The following KLHL23 variants were observed in gnomAD, a reference collection of about 807,000 sequenced individuals.
The protein encoded by KLHL23 is kelch-like protein 23.
KLHL23 carries 33 observed loss-of-function variants against 48.9 expected under a neutral mutation model. The ratio of observed to expected loss-of-function variants is 0.67; its 90% CI spans 0.51 to 0.90. KLHL23 has a LOEUF of 0.90. Among genes scored for constraint, KLHL23 ranks in the 40% least tolerant of loss-of-function variants. KLHL23 has a pLI of 0.00. For missense variants in KLHL23, 608 were observed against 669.6 expected (o/e 0.91, Z 1.02); for synonymous variants, 234 against 231.6 (o/e 1.01, Z -0.09).
rs1476577829 is a variant in KLHL23 at position 169,735,207 on chromosome 2, A to T, written c.193A>T (p.Met65Leu). 6.2e-7 allele frequency: 1 copy of T among 1,608,378 alleles called. No individual in the cohort carries two copies. The highest frequency in any genetic ancestry group is 8.5e-7 in the Non-Finnish European group (1 of 1,178,714). Residue 65 changes from methionine (M) to leucine (L), a missense_variant, in exon 2 of 4, where the codon ATG (methionine) becomes TTG (leucine). Transcript: ENST00000392647. The surrounding 1 kb of genome is among the most constrained non-coding windows in gnomAD (Gnocchi z 4.5). ...TGCTTGCAGCAATTATTTTAAGGCA[A>T]TGTTCACAGCTGACATGAAAGAAAA... ...LAACSNYFKAMFTADMKEKFK... is the reference protein window; with the variant it reads ...LAACSNYFKALFTADMKEKFK...
chr2:169,734,884 T>G, intron 1 of KLHL23, 129 bp from the exon 2 acceptor site: 4 of 1,241,272 alleles, frequency 3.2e-6, no homozygotes, highest in Non-Finnish European at 4.3e-6. Context: ...ACATTTTGCA[T>G]TTATTATTTA....
At chr2:169,743,627 G>A (rs1688725470) in intron 3 of KLHL23, among the ~76,000 whole-genome samples, 1 of 152,194 alleles carries the variant, frequency 6.6e-6, no homozygotes, top group Non-Finnish European at 1.5e-5. Flanking sequence ...AAAAGAAAAG[G>A]GAAGACCTAG....
In KLHL23 at chr2:169,749,913, T is replaced by TTATATATATATATATATATA. The variant is rs72113382; in HGVS notation, c.*199_*200insTATATATATATATATATATA. ...TGGTGATTCATGGTCAAGAAAAATC[T>TTATATATATATATATATATA]TATATATATATATATATACACACAC... On this transcript the variant is annotated 3_prime_UTR_variant, in exon 4 of 4. Coordinates refer to ENST00000392647, the MANE Select transcript of KLHL23 (RefSeq NM_144711.6). 1,776 of 218,214 alleles carry TTATATATATATATATATATA rather than the reference T, an allele frequency of 8.1e-3. 8 individuals carry two copies. The highest frequency in any genetic ancestry group is 0.017 in the African/African-American group (382 of 22,702). The allele number at this position is 218,214 out of a possible 1,614,324, so 13.5% of individuals were successfully genotyped here.
intron 2 of KLHL23, among the ~76,000 whole-genome samples, chr2:169,740,649 C>T (rs567752922): frequency 8.6e-5 from 13 of 150,582 alleles, no homozygotes; most frequent in Non-Finnish European, 1.8e-4. Context: ...GGGGTTTCAC[C>T]GTGTTAGCCA....
chr2:169,741,142 C>T, intron 2 of KLHL23: 1 of 351,780 alleles, frequency 2.8e-6, no homozygotes, highest in Non-Finnish European at 5.1e-6. Flanking sequence ...ACATTTTCCA[C>T]TCCATTATAA....
At chr2:169,741,965 T>C (rs1407831823) in intron 3 of KLHL23, among the ~76,000 whole-genome samples, 1 of 152,248 alleles carries the variant, frequency 6.6e-6, no homozygotes, top group African/African-American at 2.4e-5. Flanking sequence ...AAGCATGTTC[T>C]TTCTAGGTTT....
chr2:169,740,304 G>A (rs1299192459), intron 2 of KLHL23, among the ~76,000 whole-genome samples: 1 of 151,866 alleles, frequency 6.6e-6, no homozygotes, highest in Non-Finnish European at 1.5e-5. Flanking sequence ...TAGAGATGTG[G>A]TCTCACTTTG....
intron 2 of KLHL23, among the ~76,000 whole-genome samples, chr2:169,740,115 A>G (rs1688637408): frequency 6.6e-6 from 1 of 152,028 alleles, no homozygotes; most frequent in African/African-American, 2.4e-5. Context: ...ACTACTGTAG[A>G]CTTTTTACTT....
intron 2 of KLHL23, among the ~76,000 whole-genome samples, chr2:169,738,474 G>A (rs894298276): frequency 2.0e-5 from 3 of 151,894 alleles, no homozygotes; most frequent in Non-Finnish European, 4.4e-5. Context: ...GTTTTATTTT[G>A]TAGCCTTGAA....
chr2:169,734,873 C>T (rs1688473575), intron 1 of KLHL23, 140 bp from the exon 2 acceptor site: 1 of 1,151,932 alleles, frequency 8.7e-7, no homozygotes, highest in Admixed American at 3.3e-5. Context: ...ACAGTCCATC[C>T]ACATTTTGCA....
intron 3 of KLHL23, 57 bp downstream of exon 3, chr2:169,741,594 G>A: frequency 1.3e-6 from 2 of 1,512,154 alleles, no homozygotes; most frequent in East Asian, 2.3e-5. Context: ...GTAGCATAAA[G>A]GATGGCTAAA....
At chr2:169,740,272 G>C (rs75885381) in intron 2 of KLHL23, among the ~76,000 whole-genome samples, 1 of 150,336 alleles carries the variant, frequency 6.7e-6, no homozygotes, top group Non-Finnish European at 1.5e-5. Context: ...GCTATCACAC[G>C]TGGCTACTTT....
At position 169,735,167 on chromosome 2, in the gene KLHL23, C is replaced by T; in HGVS notation, c.153C>T (p.His51=). The T allele has an allele frequency of 6.2e-7, 1 of 1,613,198 alleles. No individual in the cohort carries two copies. The highest frequency in any genetic ancestry group is 2.2e-5 in the East Asian group (1 of 44,876). The part of the protein sequence containing the change: ...QCPSGIIFHC[H]RAVLAACSNY... ...CTTCAGGCATAATTTTCCATTGTCA[C>T]CGAGCCGTTTTAGCTGCTTGCAGCA... Residue 51 remains histidine (H), a synonymous_variant, in exon 2 of 4, where the codon CAC becomes CAT. Coordinates refer to ENST00000392647, the MANE Select transcript of KLHL23 (RefSeq NM_144711.6). This position sits in a 1 kb window ranked among gnomAD's most constrained non-coding sequence, Gnocchi z 4.5.
intron 2 of KLHL23, among the ~76,000 whole-genome samples, chr2:169,737,619 CTT>C (rs1553476626): frequency 2.1e-5 from 3 of 142,548 alleles, no homozygotes; most frequent in Admixed American, 1.4e-4. Flanking sequence ...TTTTCTTTTT[CTT>C]TTTTTTTTTT....
chr2:169,740,791 T>TATATATATATATATA (rs1291405019), intron 2 of KLHL23, among the ~76,000 whole-genome samples: 10 of 140,252 alleles, frequency 7.1e-5, no homozygotes, highest in African/African-American at 2.7e-4. Context: ...TATATATATA[T>TATATATATATATATA]AACTTATTTA....
intron 3 of KLHL23, among the ~76,000 whole-genome samples, chr2:169,746,801 T>C (rs184130260): frequency 1.1e-4 from 17 of 152,346 alleles, no homozygotes; most frequent in African/African-American, 3.8e-4. Flanking sequence ...TCAAGTAATT[T>C]AAGAAAAGCC....
Position 169,741,515 on chromosome 2 carries a change from C to T in KLHL23, c.1344C>T (p.Leu448=), listed in dbSNP as rs374197042. 8.1e-6 allele frequency: 13 copies of T among 1,613,722 alleles called. No homozygotes were observed. The highest frequency in any genetic ancestry group is 6.7e-5 in the African/African-American group (5 of 74,916). The part of the protein sequence containing the change: ...SYNSDINEWS[L]ITSSPHPEYG... ...ATTCCGATATCAACGAATGGAGCCTCATCACCTCCAGTCCACATCCAGGTA... is the reference window on the plus strand; with the variant it reads ...ATTCCGATATCAACGAATGGAGCCTTATCACCTCCAGTCCACATCCAGGTA... The change falls in exon 3 of 4, where the codon CTC becomes CTT. Residue 448 remains leucine (L), a synonymous_variant. Transcript: ENST00000392647.
chr2:169,734,384 G>A (rs570875101), intron 1 of KLHL23, among the ~76,000 whole-genome samples: 7 of 149,366 alleles, frequency 4.7e-5, no homozygotes, highest in African/African-American at 1.7e-4. Context: ...GCCCCGGGGC[G>A]GGGCGGTCTC....
chr2:169,742,446 A>G (rs1471132973), intron 3 of KLHL23, among the ~76,000 whole-genome samples: 1 of 152,246 alleles, frequency 6.6e-6, no homozygotes, highest in African/African-American at 2.4e-5. Context: ...CTTAGAAACA[A>G]TAAGTAACTT....
Sources: allele counts gnomAD v4.1 joint callset (sites outside exome capture counted in the v4.1 genomes callset), GRCh38; gene constraint gnomAD v4.1.1; non-coding constraint Gnocchi (gnomAD v3.1); transcripts MANE v1.5; gene names NCBI Gene and HGNC (gene_info 2026-07-23, HGNC 2026-07-21).